SCLT1: variants seen among roughly 807,000 people sequenced by gnomAD.
SCLT1 encodes the protein sodium channel-associated protein 1.
Under a neutral mutation model 112.8 loss-of-function variants are expected in SCLT1, and 78 were observed. That is an observed-to-expected ratio of 0.69 (90% CI 0.58 to 0.83). The LOEUF (loss-of-function observed/expected upper bound fraction) is 0.83, where lower values mean the gene tolerates loss of function less well. Ranked by LOEUF, SCLT1 falls within the 40% of genes least tolerant of loss-of-function variation. SCLT1 has a pLI of 0.00. For synonymous variants in SCLT1, 257 were observed against 254.7 expected, an observed-to-expected ratio of 1.01 and a Z score of -0.09; for missense variants, 747 against 770.4, an observed-to-expected ratio of 0.97 and a Z score of 0.36.
At chr4:128,933,685 G>C (rs1451997567) in intron 18 of SCLT1, among the ~76,000 whole-genome samples, 1 of 152,008 alleles carries the variant, frequency 6.6e-6, no homozygotes, top group Non-Finnish European at 1.5e-5. Context: ...GAGAATACAC[G>C]TTCTTAACGA....
intron 5 of SCLT1, among the ~76,000 whole-genome samples, chr4:129,006,193 G>A (rs187837092): frequency 6.6e-6 from 1 of 151,972 alleles, no homozygotes; most frequent in African/African-American, 2.4e-5. Flanking sequence ...ATAAAAAAAT[G>A]TAGTTATAAC....
intron 9 of SCLT1, among the ~76,000 whole-genome samples, chr4:128,985,349 T>G (rs933671281): frequency 1.3e-5 from 2 of 152,230 alleles, no homozygotes; most frequent in Non-Finnish European, 2.9e-5. Context: ...CAATACACAC[T>G]ATTGTTTAAA....
intron 2 of SCLT1, among the ~76,000 whole-genome samples, chr4:129,057,316 T>C (rs938216841): frequency 1.3e-5 from 2 of 152,162 alleles, no homozygotes; most frequent in Admixed American, 6.5e-5. Flanking sequence ...TGTTAGGTTT[T>C]GGTATCAGGT....
At chr4:129,051,935 AG>A (rs1748837311) in intron 2 of SCLT1, among the ~76,000 whole-genome samples, 1 of 152,256 alleles carries the variant, frequency 6.6e-6, no homozygotes, top group Non-Finnish European at 1.5e-5. Context: ...TTTAGCATGG[AG>A]GCCTGTTGAA....
chr4:129,024,857 A>C (rs1455633405), intron 5 of SCLT1, among the ~76,000 whole-genome samples: 2 of 152,144 alleles, frequency 1.3e-5, no homozygotes, highest in Non-Finnish European at 1.5e-5. Flanking sequence ...TGCTTAAAGG[A>C]GCTGATGGAG....
intron 18 of SCLT1, among the ~76,000 whole-genome samples, chr4:128,898,241 C>G (rs1183738621): frequency 2.0e-5 from 3 of 152,216 alleles, no homozygotes; most frequent in Admixed American, 2.0e-4. Flanking sequence ...CACCACACTG[C>G]ACTTATTCCA....
chr4:129,023,343 C>T (rs745547084), intron 5 of SCLT1, among the ~76,000 whole-genome samples: 1 of 152,190 alleles, frequency 6.6e-6, no homozygotes. Context: ...TTTAAACACA[C>T]AGACTGGCAA....
At position 128,975,040 on chromosome 4, in the gene SCLT1, C is replaced by CTTTTTTTTT. The variant is rs34603915; in HGVS notation, c.687-4581_687-4573dup. Among the ~76,000 whole-genome samples, 410 of 86,988 alleles carry CTTTTTTTTT rather than the reference C, an allele frequency of 4.7e-3. 106 individuals are homozygous for CTTTTTTTTT. The highest frequency in any genetic ancestry group is 0.019 in the African/African-American group (350 of 18,474). 57.1% of individuals were successfully genotyped at this position (86,988 alleles called of 152,430 possible). A position where few individuals can be genotyped will look rare whatever the true frequency, so the allele number is the denominator to read the frequency against. On this transcript the variant is annotated intron_variant, in intron 9 of 20. Transcript: ENST00000281142. ...GATATTAAACAGATTTGAATGACAA[C>CTTTTTTTTT]TTTTTTTTTTTTTTTTGAGATGGAG...
chr4:129,093,229 A>G lies in SCLT1; in HGVS notation c.-126T>C. On this transcript the variant is annotated 5_prime_UTR_variant, in exon 1 of 21. Coordinates refer to ENST00000281142, the MANE Select transcript of SCLT1 (RefSeq NM_144643.4). ...GGTTGTCAAGCGCTCCAGCGGTGCA[A>G]TCTGCATCCTACTCACGCGGCATCT... The G allele has an allele frequency of 2.4e-6, 2 of 820,800 alleles. No homozygotes were observed. Among genetic ancestry groups the G allele is most frequent in the Non-Finnish European group, 2.1e-6 (1 of 478,190 alleles). The allele number at this position is 820,800 out of a possible 1,614,324, so 50.8% of individuals were successfully genotyped here.
At chr4:129,055,373 TACA>T (rs1456127629) in intron 2 of SCLT1, among the ~76,000 whole-genome samples, 1 of 152,320 alleles carries the variant, frequency 6.6e-6, no homozygotes, top group African/African-American at 2.4e-5. Flanking sequence ...CCACTGAAGC[TACA>T]ACCACATTCG....
At chr4:128,935,317 A>G (rs1189331254) in intron 18 of SCLT1, among the ~76,000 whole-genome samples, 1 of 152,020 alleles carries the variant, frequency 6.6e-6, no homozygotes, top group Non-Finnish European at 1.5e-5. Context: ...ACCTTCCACC[A>G]AAACTCCTTT....
intron 9 of SCLT1, among the ~76,000 whole-genome samples, chr4:128,988,560 A>C (rs376970608): frequency 6.6e-6 from 1 of 151,972 alleles, no homozygotes; most frequent in Non-Finnish European, 1.5e-5. Flanking sequence ...GAAGACAGAA[A>C]GGAAGGAAGA....
chr4:128,948,334 G>GAAAAAAAAAA (rs1560878744), intron 15 of SCLT1, among the ~76,000 whole-genome samples, 162 bp downstream of exon 15: 1 of 35,828 alleles, frequency 2.8e-5, no homozygotes, highest in Non-Finnish European at 4.5e-5. Flanking sequence ...AGACTCCATT[G>GAAAAAAAAAA]CAAAAAAAAA....
chr4:128,993,862 A>G (rs280602), intron 8 of SCLT1, among the ~76,000 whole-genome samples: 39,176 of 151,884 alleles, frequency 0.26, 6,213 homozygotes, highest in Non-Finnish European at 0.35. Flanking sequence ...CAAATCTTAA[A>G]AAACATTTCA....
chr4:129,009,125 G>C (rs1233154030), intron 5 of SCLT1, among the ~76,000 whole-genome samples: 2 of 152,176 alleles, frequency 1.3e-5, no homozygotes, highest in Non-Finnish European at 2.9e-5. Flanking sequence ...CGATGAACAT[G>C]TGAGTGCATG....
intron 18 of SCLT1, among the ~76,000 whole-genome samples, chr4:128,901,243 T>G (rs2125935216): frequency 6.6e-6 from 1 of 152,332 alleles, no homozygotes; most frequent in South Asian, 2.1e-4. Flanking sequence ...GTGGCACTAT[T>G]CACAATAGCA....
intron 2 of SCLT1, among the ~76,000 whole-genome samples, chr4:129,049,457 C>T (rs1158978791): frequency 8.1e-6 from 1 of 123,768 alleles, no homozygotes; most frequent in Non-Finnish European, 1.6e-5. Flanking sequence ...GGAAGGGGAA[C>T]ATCACACTCT....
At chr4:128,969,732 TTTCTTTTAC>T (rs1410271865) in intron 10 of SCLT1, among the ~76,000 whole-genome samples, 2 of 152,190 alleles carry the variant, frequency 1.3e-5, no homozygotes, top group African/African-American at 4.8e-5. Flanking sequence ...ACAATTCTTA[TTTCTTTTAC>T]TTCTTTCTGT....
At chr4:128,925,875 TA>T (rs1196795614) in intron 18 of SCLT1, among the ~76,000 whole-genome samples, 3 of 152,066 alleles carry the variant, frequency 2.0e-5, no homozygotes, top group Admixed American at 6.6e-5. Flanking sequence ...AATTCTCTAA[TA>T]TTTTTCATCC....
Sources: allele counts gnomAD v4.1 joint callset (sites outside exome capture counted in the v4.1 genomes callset), GRCh38; gene constraint gnomAD v4.1.1; transcripts MANE v1.5; gene names NCBI Gene and HGNC (gene_info 2026-07-23, HGNC 2026-07-21).